Variants in SDCBP2 observed in about 807,000 individuals in gnomAD.
SDCBP2 encodes the protein syndecan binding protein 2.
In SDCBP2, 28 loss-of-function variants were observed where a neutral mutation model predicts 30.7. That is an observed-to-expected ratio of 0.91 (90% CI 0.68 to 1.25). SDCBP2 has a LOEUF of 1.25. SDCBP2 is among the 50% of genes most tolerant of loss of function. SDCBP2 has a pLI of 0.00. For synonymous variants in SDCBP2, 166 were observed against 157.3 expected (o/e 1.06, Z -0.41); for missense variants, 399 against 379.0 (o/e 1.05, Z -0.44).
chr20:1,313,746 G>A lies in SDCBP2; in HGVS notation c.226-248C>T. ...GAGGGAAGGGGCGAGGATACAGGAA[G>A]AGGCCCTTCATTTCCCAAGGGAAAC... On this transcript the variant is annotated intron_variant, in intron 4 of 8. Coordinates refer to ENST00000360779, the MANE Select transcript of SDCBP2 (RefSeq NM_080489.5). The surrounding 1 kb of genome is among the most constrained non-coding windows in gnomAD (Gnocchi z 5.2). 2 of 1,008,762 alleles carry A rather than the reference G, an allele frequency of 2.0e-6. No individual in the cohort carries two copies. Among genetic ancestry groups the A allele is most frequent in the African/African-American group, 1.7e-5 (1 of 60,032 alleles). The allele number at this position is 1,008,762 out of a possible 1,614,324, so 62.5% of individuals were successfully genotyped here. A position where few individuals can be genotyped will look rare whatever the true frequency, so the allele number is the denominator to read the frequency against.
chr20:1,315,526 C>T (rs1181239774), intron 4 of SDCBP2, among the ~76,000 whole-genome samples: 1 of 152,094 alleles, frequency 6.6e-6, no homozygotes, highest in Non-Finnish European at 1.5e-5. Context: ...GAGACCCCAT[C>T]TCAAAACAAA....
chr20:1,316,710 A>C (rs750489531), intron 4 of SDCBP2, among the ~76,000 whole-genome samples: 1 of 152,182 alleles, frequency 6.6e-6, no homozygotes, highest in Non-Finnish European at 1.5e-5. Context: ...TAAAAAACTT[A>C]AACATACATT....
In SDCBP2 at chr20:1,312,780, C is replaced by T; in HGVS notation, c.385-18G>A. The T allele has an allele frequency of 1.3e-6, 2 of 1,598,914 alleles. No homozygotes were observed. The highest frequency in any genetic ancestry group is 2.2e-5 in the East Asian group (1 of 44,490). ...AAGAGCCCCTGGGGGAGGCAGGGCCCCAGAGTCAGTGTCCCTGGCCCACCC... is the reference window on the plus strand; with the variant it reads ...AAGAGCCCCTGGGGGAGGCAGGGCCTCAGAGTCAGTGTCCCTGGCCCACCC... On this transcript the variant is annotated intron_variant, in intron 5 of 8. Transcript: ENST00000360779.
chr20:1,323,630 A>G (rs904905711), intron 1 of SDCBP2: 1 of 152,104 alleles, frequency 6.6e-6, no homozygotes, highest in Non-Finnish European at 1.5e-5. Flanking sequence ...TTCCAGGACA[A>G]TGCCCCTCAC....
intron 8 of SDCBP2, 25 bp downstream of exon 8, chr20:1,310,775 G>A: frequency 1.3e-6 from 2 of 1,587,302 alleles, no homozygotes; most frequent in Non-Finnish European, 1.7e-6. Flanking sequence ...GGGGTGAGGA[G>A]GGGTGAGGAG....
rs567748567 is a variant in SDCBP2, at chr20:1,321,210, A to G, written c.-19-775T>C. On this transcript the variant is annotated intron_variant, in intron 1 of 8. Coordinates refer to ENST00000360779, the MANE Select transcript of SDCBP2 (RefSeq NM_080489.5). This position sits in a 1 kb window ranked among gnomAD's most constrained non-coding sequence, Gnocchi z 5.2. ...GTTCTGAGGGGTAAAGGTGTGTCCTATTCACCCCACTGAACTCACATGTGA... is the reference window on the plus strand; with the variant it reads ...GTTCTGAGGGGTAAAGGTGTGTCCTGTTCACCCCACTGAACTCACATGTGA... The G allele has an allele frequency of 6.6e-5, 10 of 152,268 alleles. No homozygotes were observed. The highest frequency in any genetic ancestry group is 2.2e-4 in the African/African-American group (9 of 41,504). 9.4% of individuals were successfully genotyped at this position (152,268 alleles called of 1,614,324 possible).
intron 3 of SDCBP2, among the ~76,000 whole-genome samples, chr20:1,319,341 A>G (rs1490125179): frequency 2.0e-5 from 3 of 152,134 alleles, no homozygotes; most frequent in African/African-American, 7.2e-5. Flanking sequence ...AAGGATAAAC[A>G]GGGGTTCACC....
rs577220901 is a variant in SDCBP2 at position 1,320,762 on chromosome 20, T to TG, written c.-19-328dup. On this transcript the variant is annotated intron_variant, in intron 1 of 8. Coordinates refer to ENST00000360779, the MANE Select transcript of SDCBP2 (RefSeq NM_080489.5). This position sits in a 1 kb window ranked among gnomAD's most constrained non-coding sequence, Gnocchi z 4.7. Reference sequence around the variant, plus strand: ...GCACTGCTCCAGAGGGAGGAGGGAATGGGGGGTGGAGAGGCACCATGAGCA... The same window carrying TG: ...GCACTGCTCCAGAGGGAGGAGGGAATGGGGGGGTGGAGAGGCACCATGAGCA... 1.0e-5 allele frequency: 2 copies of TG among 196,358 alleles called. No individual in the cohort carries two copies. Among genetic ancestry groups the TG allele is most frequent in the Non-Finnish European group, 1.0e-5 (1 of 96,032 alleles). 12.2% of individuals were successfully genotyped at this position (196,358 alleles called of 1,614,324 possible).
chr20:1,313,647 C>T lies in SDCBP2; in HGVS notation c.226-149G>A. The T allele has an allele frequency of 7.2e-7, 1 of 1,380,036 alleles. No homozygotes were observed. The highest frequency in any genetic ancestry group is 9.4e-7 in the Non-Finnish European group (1 of 1,069,108). 85.5% of individuals were successfully genotyped at this position (1,380,036 alleles called of 1,614,324 possible). On this transcript the variant is annotated intron_variant, in intron 4 of 8. Transcript: ENST00000360779. This position sits in a 1 kb window ranked among gnomAD's most constrained non-coding sequence, Gnocchi z 5.2. ...CCAGTCCACGCTTCTCCCCTAGGGG[C>T]GAGAGGAGACGTGGCTCCACGCGGC...
In SDCBP2 at chr20:1,318,394, A is replaced by G. The variant is rs1215208846; in HGVS notation, c.149T>C (p.Leu50Pro). The change falls in exon 4 of 9, where the codon CTG (leucine) becomes CCG (proline). Residue 50 changes from leucine to proline, a missense_variant. Coordinates refer to ENST00000360779, the MANE Select transcript of SDCBP2 (RefSeq NM_080489.5). ...PPVLYPNLAELENYMGLSLSS... is the reference protein window; with the variant it reads ...PPVLYPNLAEPENYMGLSLSS... ...GAGGGAAAGACCCATATAATTTTCC[A>G]GTTCTGCCAAGTTTGGGTACAAAAC... 1 of 1,603,598 alleles carries G rather than the reference A, an allele frequency of 6.2e-7. No homozygotes were observed. The highest frequency in any genetic ancestry group is 8.5e-7 in the Non-Finnish European group (1 of 1,174,162).
chr20:1,311,725 C>T (rs6104890), intron 7 of SDCBP2, among the ~76,000 whole-genome samples: 112,518 of 152,078 alleles, frequency 0.74, 42,378 homozygotes, highest in East Asian at 0.92. Context: ...CTCACGACCC[C>T]ATGGATTTCT....
At position 1,320,240 on chromosome 20, in the gene SDCBP2, G is replaced by A. The variant is rs2088833801; in HGVS notation, c.54+123C>T. ...TCTTCTCTGCCCAGCAGGCCCTGCAGTGGACACCTACATGCCCTGAGGCCT... is the reference window on the plus strand; with the variant it reads ...TCTTCTCTGCCCAGCAGGCCCTGCAATGGACACCTACATGCCCTGAGGCCT... On this transcript the variant is annotated intron_variant, in intron 2 of 8. Transcript: ENST00000360779. The surrounding 1 kb of genome is among the most constrained non-coding windows in gnomAD (Gnocchi z 4.7). 2.5e-6 allele frequency: 2 copies of A among 812,924 alleles called. No individual in the cohort carries two copies. Among genetic ancestry groups the A allele is most frequent in the Admixed American group, 4.6e-5 (2 of 43,212 alleles). The allele number at this position is 812,924 out of a possible 1,614,324, so 50.4% of individuals were successfully genotyped here.
rs189461743 is a variant in SDCBP2 at position 1,313,963 on chromosome 20, C to T, written c.226-465G>A. On this transcript the variant is annotated intron_variant, in intron 4 of 8. Transcript: ENST00000360779. The surrounding 1 kb of genome is among the most constrained non-coding windows in gnomAD (Gnocchi z 5.2). ...TTAAAGATGGTACTGGAAGACCTAG[C>T]CAGCACAGTAGGCAAGAAAAGAGGG... Among the ~76,000 whole-genome samples, 1 of 152,034 alleles carries T rather than the reference C, an allele frequency of 6.6e-6. No homozygotes were observed. Among genetic ancestry groups the T allele is most frequent in the Admixed American group, 6.5e-5 (1 of 15,268 alleles).
intron 1 of SDCBP2, chr20:1,322,319 G>A (rs2088860030): frequency 6.6e-6 from 1 of 152,134 alleles, no homozygotes; most frequent in Non-Finnish European, 1.5e-5. Context: ...CACCACTCTT[G>A]TGGTTGCCTC....
At chr20:1,326,866 G>A (rs1372856204) in intron 1 of SDCBP2, among the ~76,000 whole-genome samples, 1 of 152,240 alleles carries the variant, frequency 6.6e-6, no homozygotes, top group Non-Finnish European at 1.5e-5. Context: ...TCTGAAAGGA[G>A]TGGAAAAGCA....
chr20:1,310,992 C>T (rs1184417592), intron 7 of SDCBP2, 101 bp from the exon 8 acceptor site: 3 of 808,466 alleles, frequency 3.7e-6, no homozygotes, highest in Admixed American at 2.6e-5. Context: ...TGCTAGAGGA[C>T]ACCACTGATG....
At position 1,319,616 on chromosome 20, in the gene SDCBP2, T is replaced by A; in HGVS notation, c.98A>T (p.Gln33Leu). The A allele has an allele frequency of 1.9e-6, 3 of 1,575,270 alleles. No homozygotes were observed. Among genetic ancestry groups the A allele is most frequent in the Non-Finnish European group, 2.6e-6 (3 of 1,159,866 alleles). Residue 33 changes from glutamine (Q) to leucine (L), a missense_variant, in exon 3 of 9, where the codon CAG (glutamine) becomes CTG (leucine). Coordinates refer to ENST00000360779, the MANE Select transcript of SDCBP2 (RefSeq NM_080489.5). ...ASPKMPALPVQATAISPPPVL... is the reference protein window; with the variant it reads ...ASPKMPALPVLATAISPPPVL... The stretch of plus-strand genomic sequence containing the variant: ...TGGTGGTGGGGAAATGGCTGTTGCC[T>A]GGACTGGCAGGGCTGGCATCTTGGG...
rs1485006652 is a variant in SDCBP2 at position 1,312,367 on chromosome 20, C to T, written c.702G>A (p.Glu234=). Residue 234 remains glutamate, a synonymous_variant, in exon 7 of 9, where the codon GAG becomes GAA. Transcript: ENST00000360779. The stretch of plus-strand genomic sequence containing the variant: ...GCCCGATAACATTCTGCCCGTCCAC[C>T]TCACACACGTAGTGGTTGGTGAGGA... ...NGLLTNHYVC[E]VDGQNVIGLK... 4 of 1,613,464 alleles carry T rather than the reference C, an allele frequency of 2.5e-6. No homozygotes were observed. Among genetic ancestry groups the T allele is most frequent in the South Asian group, 1.1e-5 (1 of 90,956 alleles).
chr20:1,321,265 G>A lies in SDCBP2; in HGVS notation c.-19-830C>T, dbSNP rs2088847142. ...TACACATGATAAAGGAATGCCCGCT[G>A]GTGGCACAGGAAACTGAGGGTCCTG... On this transcript the variant is annotated intron_variant, in intron 1 of 8. Coordinates refer to ENST00000360779, the MANE Select transcript of SDCBP2 (RefSeq NM_080489.5). The surrounding 1 kb of genome is among the most constrained non-coding windows in gnomAD (Gnocchi z 5.2). The A allele has an allele frequency of 6.6e-6, 1 of 152,242 alleles. No individual in the cohort carries two copies. The highest frequency in any genetic ancestry group is 1.5e-5 in the Non-Finnish European group (1 of 68,080). The allele number at this position is 152,242 out of a possible 1,614,324, so 9.4% of individuals were successfully genotyped here.
Sources: gnomAD v4.1 joint callset for allele counts (sites outside exome capture counted in the v4.1 genomes callset) on GRCh38, gnomAD v4.1.1 for gene constraint, Gnocchi (gnomAD v3.1) non-coding constraint, MANE v1.5 for transcripts, NCBI Gene and HGNC (gene_info 2026-07-23, HGNC 2026-07-21) for gene names.